The following SETD4 variants were observed in gnomAD, a reference collection of about 807,000 sequenced individuals.
The protein encoded by SETD4 is SET domain-containing protein 4.
In SETD4, 46 loss-of-function variants were observed where a neutral mutation model predicts 58.3. That is an observed-to-expected ratio of 0.79 (90% CI 0.62 to 1.01). The LOEUF (loss-of-function observed/expected upper bound fraction) is 1.01. Ranked by LOEUF, SETD4 falls within the 50% of genes least tolerant of loss-of-function variation. SETD4 has a pLI of 0.00. For missense variants in SETD4, 490 were observed against 523.3 expected (o/e 0.94, Z 0.62); for synonymous variants, 190 against 202.6 (o/e 0.94, Z 0.53).
chr21:36,045,077 G>A (rs976268120), intron 6 of SETD4, among the ~76,000 whole-genome samples: 5 of 152,166 alleles, frequency 3.3e-5, no homozygotes, highest in Non-Finnish European at 5.9e-5. Context: ...CACCTACTAT[G>A]TGCCAGGCCC....
At chr21:36,038,447 G>A (rs980931215) in intron 9 of SETD4, among the ~76,000 whole-genome samples, 174 bp from the exon 10 acceptor site, 2 of 152,152 alleles carry the variant, frequency 1.3e-5, no homozygotes, top group Non-Finnish European at 2.9e-5. Context: ...TGTGGAAGCC[G>A]ACCAGGTAAT....
rs117815895 is a variant in SETD4 at position 36,045,876 on chromosome 21, C to T, written c.432G>A (p.Glu144=). 1,291 of 1,614,210 alleles carry T rather than the reference C, an allele frequency of 8.0e-4. 12 individuals carry two copies. In the East Asian group the frequency reaches 0.025, roughly 32 times the overall value. The change falls in exon 6 of 12, where the codon GAG becomes GAA. Residue 144 remains glutamate, a synonymous_variant. Coordinates refer to ENST00000332131, the MANE Select transcript of SETD4 (RefSeq NM_017438.5). ...TGGGAAGAAGGTTCACCACTTCCGG[C>T]TCCAAACAAACAGGGCAGGTATACG... is the stretch of plus-strand genomic sequence containing the variant. The part of the protein sequence containing the change: ...PKAYTCPVCL[E]PEVVNLLPKS...
At chr21:36,037,565 A>G (rs1273209103) in intron 10 of SETD4, among the ~76,000 whole-genome samples, 1 of 147,060 alleles carries the variant, frequency 6.8e-6, no homozygotes, top group Non-Finnish European at 1.5e-5. Flanking sequence ...AGATCGTGCC[A>G]TTGCACTCCA....
rs751220141 is a variant in SETD4 at position 36,045,605 on chromosome 21, G to T, written c.703C>A (p.Leu235Met). 6.2e-7 allele frequency: 1 copy of T among 1,613,884 alleles called. No homozygotes were observed. ...ACCTGGACATGTGGGCTATGATTCA[G>T]CAGGTCCAGGTACGGAGCGAGTGCA... Reference protein sequence around the residue: ...TCALAPYLDLLNHSPHVQVKA... With the variant: ...TCALAPYLDLMNHSPHVQVKA... The change falls in exon 6 of 12, where the codon CTG becomes ATG. Residue 235 changes from leucine to methionine, a missense_variant. Transcript: ENST00000332131.
chr21:36,049,113 G>A (rs1394109408), intron 4 of SETD4, among the ~76,000 whole-genome samples: 1 of 152,168 alleles, frequency 6.6e-6, no homozygotes, highest in Non-Finnish European at 1.5e-5. Context: ...ACTTGCAAGA[G>A]TATCGTTTTC....
intron 10 of SETD4, among the ~76,000 whole-genome samples, chr21:36,037,618 A>AG (rs1481305322): frequency 6.6e-6 from 1 of 151,070 alleles, no homozygotes; most frequent in African/African-American, 2.4e-5. Flanking sequence ...AAAAAAAAAA[A>AG]AATAGAAAAG....
intron 4 of SETD4, chr21:36,050,518 A>C: frequency 3.1e-6 from 5 of 1,613,964 alleles, no homozygotes; most frequent in Non-Finnish European, 4.2e-6. Context: ...ATGGGATGCC[A>C]GTTAATGAAC....
intron 10 of SETD4, among the ~76,000 whole-genome samples, chr21:36,036,982 C>G (rs1008440241): frequency 7.2e-5 from 11 of 152,128 alleles, no homozygotes; most frequent in African/African-American, 2.4e-4. Flanking sequence ...TCATCAAACT[C>G]ATAGAAGCAG....
At chr21:36,040,076 C>A (rs2063973471) in intron 9 of SETD4, among the ~76,000 whole-genome samples, 1 of 152,216 alleles carries the variant, frequency 6.6e-6, no homozygotes. Context: ...GCAGGACTGA[C>A]AGCAGGCAGG....
intron 3 of SETD4, 114 bp downstream of exon 3, chr21:36,056,995 C>T: frequency 1.2e-6 from 1 of 802,262 alleles, no homozygotes; most frequent in East Asian, 2.4e-5. Flanking sequence ...AAGGGGAACA[C>T]ATGCAAACCA....
chr21:36,048,111 G>A (rs1214721582), intron 5 of SETD4, among the ~76,000 whole-genome samples, 197 bp downstream of exon 5: 1 of 151,198 alleles, frequency 6.6e-6, no homozygotes, highest in Admixed American at 6.6e-5. Context: ...GAGGAAGGCA[G>A]GCAGGCAGGC....
At chr21:36,055,104 T>C (rs2064921919) in intron 3 of SETD4, among the ~76,000 whole-genome samples, 1 of 152,250 alleles carries the variant, frequency 6.6e-6, no homozygotes, top group Admixed American at 6.5e-5. Flanking sequence ...ATCCCTGTGC[T>C]CCAGAACTCC....
chr21:36,046,855 T>C (rs1171866983), intron 5 of SETD4, among the ~76,000 whole-genome samples: 2 of 152,160 alleles, frequency 1.3e-5, no homozygotes, highest in South Asian at 2.1e-4. Flanking sequence ...ATTCAGAAAA[T>C]GTTAACAATG....
intron 10 of SETD4, 106 bp downstream of exon 10, chr21:36,038,044 A>G: frequency 7.9e-7 from 1 of 1,271,564 alleles, no homozygotes; most frequent in African/African-American, 1.5e-5. Context: ...TATTTAAGGC[A>G]CTAAACAATG....
intron 8 of SETD4, 103 bp from the exon 9 acceptor site, chr21:36,040,758 A>G: frequency 9.8e-7 from 1 of 1,016,144 alleles, no homozygotes; most frequent in Non-Finnish European, 1.5e-6. Flanking sequence ...AGGTTGCTAA[A>G]TGTCATGTAA....
At chr21:36,044,960 G>A (rs960480758) in intron 6 of SETD4, among the ~76,000 whole-genome samples, 4 of 152,164 alleles carry the variant, frequency 2.6e-5, no homozygotes, top group African/African-American at 9.7e-5. Context: ...TGGGGAAAGC[G>A]CTGGGGAGGA....
At chr21:36,036,709 G>A (rs2063797104) in intron 10 of SETD4, 1 of 829,800 alleles carries the variant, frequency 1.2e-6, no homozygotes, top group Non-Finnish European at 1.5e-6. Context: ...GAGAAAGAAT[G>A]CTTGAAGTCA....
chr21:36,050,472 G>A (rs2064608987), intron 4 of SETD4: 6 of 1,614,084 alleles, frequency 3.7e-6, no homozygotes, highest in Non-Finnish European at 4.2e-6. Context: ...GGTGCAAAGT[G>A]ATAGTGACAT....
At position 36,047,878 on chromosome 21, in the gene SETD4, C is replaced by T. The variant is rs544797679; in HGVS notation, c.296+430G>A. 1.0e-4 allele frequency among the ~76,000 whole-genome samples: 15 copies of T among 149,564 alleles called. 1 individual carries two copies. The highest frequency in any genetic ancestry group is 1.0e-3 in the Admixed American group (15 of 15,026). On this transcript the variant is annotated intron_variant, in intron 5 of 11. Transcript: ENST00000332131. ...AAAATTAGCTGGGCGTGGTGGCAGG[C>T]ACCTGTAATCCCAGCTACTTGGGAG...
Sources: gnomAD v4.1 joint callset for allele counts (sites outside exome capture counted in the v4.1 genomes callset) on GRCh38, gnomAD v4.1.1 for gene constraint, MANE v1.5 for transcripts, NCBI Gene and HGNC (gene_info 2026-07-23, HGNC 2026-07-21) for gene names.